The following PRSS41 variants were observed in gnomAD, a reference collection of about 807,000 sequenced individuals.
The protein encoded by PRSS41 is serine protease 41, also known as protease, serine 41.
In PRSS41, 37 loss-of-function variants were observed where a neutral mutation model predicts 28.8. That is an observed-to-expected ratio of 1.29 (90% CI 0.99 to 1.69). The LOEUF (loss-of-function observed/expected upper bound fraction) is 1.69. PRSS41 is among the 40% of genes most tolerant of loss of function. The pLI is 0.00. For synonymous variants in PRSS41, 195 were observed against 163.1 expected, an observed-to-expected ratio of 1.20 and a Z score of -1.49; for missense variants, 431 against 400.7, an observed-to-expected ratio of 1.08 and a Z score of -0.65.
Position 2,804,875 on chromosome 16 carries a change from ACTCTGCCCCAG to A in PRSS41, c.700-37_700-27del, listed in dbSNP as rs777404322. ...TCTCATGGCCTCTGCTGCCCCACCC[ACTCTGCCCCAG>A]CCTGGGCTCACCCATGCTGCTCCCC... On this transcript the variant is annotated intron_variant, in intron 5 of 5. Transcript: ENST00000399677. 64 of 1,510,216 alleles carry A rather than the reference ACTCTGCCCCAG, an allele frequency of 4.2e-5. 1 individual carries two copies. The South Asian group carries it at 7.3e-4, about 17-fold the overall frequency. The allele number at this position is 1,510,216 out of a possible 1,614,324, so 93.6% of individuals were successfully genotyped here.
At chr16:2,800,818 A>G (rs2068981042) in intron 4 of PRSS41, among the ~76,000 whole-genome samples, 1 of 152,254 alleles carries the variant, frequency 6.6e-6, no homozygotes, top group African/African-American at 2.4e-5. Context: ...TAGCTATTTT[A>G]ACTTTTTTAC....
intron 4 of PRSS41, among the ~76,000 whole-genome samples, chr16:2,802,823 A>G: frequency 6.6e-6 from 1 of 151,572 alleles, no homozygotes; most frequent in East Asian, 2.0e-4. Context: ...TGGCAGCAGT[A>G]CAGTCCAGCT....
At chr16:2,800,060 G>A (rs546804556) in intron 4 of PRSS41, among the ~76,000 whole-genome samples, 7 of 152,354 alleles carry the variant, frequency 4.6e-5, no homozygotes, top group African/African-American at 1.4e-4. Flanking sequence ...ATCATGGAGT[G>A]TAGTTACACA....
chr16:2,804,836 A>G (rs770099691), intron 5 of PRSS41, 78 bp from the exon 6 acceptor site: 13 of 1,145,472 alleles, frequency 1.1e-5, no homozygotes, highest in Non-Finnish European at 1.0e-5. Flanking sequence ...GCCTAGCCCC[A>G]CAGCCCCTCC....
At chr16:2,798,497 G>C (rs766179194) in exon 1 of PRSS41, 3 of 1,519,204 alleles carry the variant, frequency 2.0e-6, no homozygotes, top group African/African-American at 1.4e-5. Context: ...GGGCGCGCGC[G>C]GGGCGCTGCT....
At chr16:2,800,745 TTTTC>T (rs1406736657) in intron 4 of PRSS41, among the ~76,000 whole-genome samples, 3 of 152,048 alleles carry the variant, frequency 2.0e-5, no homozygotes, top group Non-Finnish European at 1.5e-5. Flanking sequence ...CCCAAAAACC[TTTTC>T]TTTCTTTAAT....
At chr16:2,798,846 G>C in intron 2 of PRSS41, 113 bp from the exon 3 acceptor site, 1 of 1,296,396 alleles carries the variant, frequency 7.7e-7, no homozygotes, top group Admixed American at 3.3e-5. Context: ...TTCTTGGCGC[G>C]CGGTTCCCCG....
intron 3 of PRSS41, 73 bp downstream of exon 3, chr16:2,799,197 C>T (rs2068968869): frequency 4.6e-6 from 7 of 1,511,612 alleles, no homozygotes; most frequent in Non-Finnish European, 5.3e-6. Flanking sequence ...AGCCACCCAG[C>T]AGCTTGGCCT....
chr16:2,799,433 T>A, exon 4 of PRSS41: 2 of 1,552,188 alleles, frequency 1.3e-6, no homozygotes, highest in Non-Finnish European at 1.7e-6. Context: ...GCAATGACAT[T>A]GCCCTGCTGA....
At chr16:2,801,633 G>A (rs993258307) in intron 4 of PRSS41, among the ~76,000 whole-genome samples, 20 of 151,104 alleles carry the variant, frequency 1.3e-4, no homozygotes, top group African/African-American at 4.6e-4. Context: ...CACAGCACAT[G>A]TTTCAGAGAG....
chr16:2,803,638 C>A (rs1242622993), intron 4 of PRSS41, among the ~76,000 whole-genome samples: 2 of 152,178 alleles, frequency 1.3e-5, no homozygotes, highest in South Asian at 4.1e-4. Flanking sequence ...GTTGTCTTGA[C>A]CAGGGCTCTT....
At chr16:2,805,035 T>G in exon 6 of PRSS41, 1 of 1,559,636 alleles carries the variant, frequency 6.4e-7, no homozygotes, top group East Asian at 2.4e-5. Context: ...AACATCAGTG[T>G]GTACTTCCAC....
At chr16:2,799,559 C>T (rs758999913) in exon 4 of PRSS41, 26 of 1,551,342 alleles carry the variant, frequency 1.7e-5, no homozygotes, top group Non-Finnish European at 2.1e-5. Context: ...GGTTAATCAG[C>T]CCCAGTGGCA....
chr16:2,802,789 C>T (rs2068998292), intron 4 of PRSS41, among the ~76,000 whole-genome samples: 1 of 151,832 alleles, frequency 6.6e-6, no homozygotes, highest in Non-Finnish European at 1.5e-5. Flanking sequence ...GAGAATCAGG[C>T]AGGGAGGTTG....
chr16:2,801,488 C>T (rs951826355), intron 4 of PRSS41, among the ~76,000 whole-genome samples: 1 of 150,712 alleles, frequency 6.6e-6, no homozygotes, highest in African/African-American at 2.5e-5. Context: ...GACCCTGCGG[C>T]CTTCCGCAGT....
chr16:2,801,804 A>G (rs2068987949), intron 4 of PRSS41, among the ~76,000 whole-genome samples: 1 of 152,242 alleles, frequency 6.6e-6, no homozygotes, highest in African/African-American at 2.4e-5. Flanking sequence ...CCCGCTTTCT[A>G]TTCCACAAAA....
chr16:2,802,808 C>T (rs1427228191), intron 4 of PRSS41, among the ~76,000 whole-genome samples: 1 of 151,300 alleles, frequency 6.6e-6, no homozygotes, highest in African/African-American at 2.4e-5. Context: ...TGCAGTGAGC[C>T]GAGATGGCAG....
chr16:2,799,862 G>C (rs746814502), intron 4 of PRSS41, among the ~76,000 whole-genome samples: 1 of 152,262 alleles, frequency 6.6e-6, no homozygotes, highest in Non-Finnish European at 1.5e-5. Context: ...GAGTTCGGGA[G>C]GACCTGGTGA....
At chr16:2,798,615 G>C (rs2068963980) in intron 1 of PRSS41, 21 bp from the exon 2 acceptor site, 3 of 1,523,056 alleles carry the variant, frequency 2.0e-6, no homozygotes, top group Non-Finnish European at 2.6e-6. Flanking sequence ...GGCCGCGAGG[G>C]TCACTTCTTG....
Sources: gnomAD v4.1 joint callset for allele counts (sites outside exome capture counted in the v4.1 genomes callset) on GRCh38, gnomAD v4.1.1 for gene constraint, MANE v1.5 for transcripts, NCBI Gene and HGNC (gene_info 2026-07-23, HGNC 2026-07-21) for gene names.